Variants in ADAMTSL3 observed in about 807,000 individuals in gnomAD.
ADAMTSL3 encodes the protein ADAMTS-like protein 3.
ADAMTSL3 carries 128 observed loss-of-function variants against 201.7 expected under a neutral mutation model. The observed-to-expected ratio is 0.63, with a 90% CI of 0.55 to 0.73. The LOEUF is 0.73. ADAMTSL3 is among the 30% of genes least tolerant of loss of function. The pLI, the probability that ADAMTSL3 is intolerant of heterozygous loss-of-function variation, is 0.00. For synonymous variants in ADAMTSL3, 738 were observed against 748.4 expected, an observed-to-expected ratio of 0.99 and a Z score of 0.23; for missense variants, 1,990 against 2,119.6, an observed-to-expected ratio of 0.94 and a Z score of 1.20.
chr15:83,727,432 A>T (rs2062196132), intron 3 of ADAMTSL3, among the ~76,000 whole-genome samples: 2 of 148,962 alleles, frequency 1.3e-5, no homozygotes, highest in African/African-American at 2.5e-5. Flanking sequence ...CTAATTTTGG[A>T]TTTTGTTTTC....
intron 27 of ADAMTSL3, among the ~76,000 whole-genome samples, chr15:84,027,258 C>G (rs2068326747): frequency 6.6e-6 from 1 of 152,124 alleles, no homozygotes; most frequent in East Asian, 1.9e-4. Flanking sequence ...GAAATTGGAA[C>G]CTTCATGCTG....
intron 3 of ADAMTSL3, among the ~76,000 whole-genome samples, chr15:83,759,984 A>C (rs958350902): frequency 4.4e-4 from 67 of 152,078 alleles, no homozygotes; most frequent in African/African-American, 1.4e-3. Context: ...AGTCTTGCCA[A>C]GGAATTTAAT....
At chr15:83,740,161 C>G (rs1404489409) in intron 3 of ADAMTSL3, 1 of 266,428 alleles carries the variant, frequency 3.8e-6, no homozygotes, top group Non-Finnish European at 8.0e-6. Flanking sequence ...TGCAAGCTGG[C>G]TGACCAGTGC....
chr15:83,725,070 C>G (rs1313059535), intron 3 of ADAMTSL3, among the ~76,000 whole-genome samples: 1 of 151,966 alleles, frequency 6.6e-6, no homozygotes, highest in Non-Finnish European at 1.5e-5. Context: ...GGGTATATAC[C>G]TAGGAGTGGG....
chr15:83,788,102 ACCTTG>A, intron 4 of ADAMTSL3, among the ~76,000 whole-genome samples: 1 of 152,232 alleles, frequency 6.6e-6, no homozygotes, highest in Middle Eastern at 3.4e-3. Flanking sequence ...GTCAATAATT[ACCTTG>A]CTTTTTTATT....
At chr15:83,785,117 T>C (rs1160076511) in intron 4 of ADAMTSL3, among the ~76,000 whole-genome samples, 2 of 152,206 alleles carry the variant, frequency 1.3e-5, no homozygotes, top group Non-Finnish European at 2.9e-5. Context: ...TCTGGAATTT[T>C]AGTGTGCATA....
At chr15:83,983,382 A>G (rs746985650) in intron 21 of ADAMTSL3, 38 bp downstream of exon 21, 3 of 1,336,506 alleles carry the variant, frequency 2.2e-6, no homozygotes, top group South Asian at 3.6e-5. Context: ...TTTTTGCACT[A>G]CCTTCTTAAT....
intron 17 of ADAMTSL3, among the ~76,000 whole-genome samples, chr15:83,927,407 C>A (rs941589475): frequency 6.6e-6 from 1 of 152,152 alleles, no homozygotes; most frequent in Non-Finnish European, 1.5e-5. Flanking sequence ...AGCCACCGCA[C>A]CTGGCCCATG....
chr15:83,872,397 A>T (rs889008434), intron 9 of ADAMTSL3, among the ~76,000 whole-genome samples: 1 of 151,948 alleles, frequency 6.6e-6, no homozygotes, highest in Non-Finnish European at 1.5e-5. Flanking sequence ...ACAGACATTT[A>T]TGTTTCTGAC....
chr15:83,927,173 A>T (rs902454179), intron 17 of ADAMTSL3, among the ~76,000 whole-genome samples: 1 of 151,448 alleles, frequency 6.6e-6, no homozygotes, highest in South Asian at 2.1e-4. Context: ...CTGGAGTGCA[A>T]TGGCACAGTC....
At chr15:83,899,880 TTTTC>T (rs1436187770) in intron 15 of ADAMTSL3, 149 bp downstream of exon 15, 1 of 1,107,726 alleles carries the variant, frequency 9.0e-7, no homozygotes, top group African/African-American at 1.6e-5. Flanking sequence ...TGGCTAGAAT[TTTTC>T]TTTGTTTCAC....
intron 2 of ADAMTSL3, among the ~76,000 whole-genome samples, chr15:83,665,935 C>T (rs2061242615): frequency 6.6e-6 from 1 of 152,038 alleles, no homozygotes; most frequent in African/African-American, 2.4e-5. Context: ...TTAAAGGACT[C>T]TAAATTCTCT....
At chr15:83,911,013 A>G (rs1382919674) in intron 15 of ADAMTSL3, among the ~76,000 whole-genome samples, 1 of 152,170 alleles carries the variant, frequency 6.6e-6, no homozygotes, top group Non-Finnish European at 1.5e-5. Context: ...TTTGAATGAA[A>G]ATATCTACTT....
intron 6 of ADAMTSL3, among the ~76,000 whole-genome samples, chr15:83,827,339 C>A (rs1596282227): frequency 6.6e-6 from 1 of 152,066 alleles, no homozygotes; most frequent in Non-Finnish European, 1.5e-5. Context: ...TATCCTTTGC[C>A]CACTTTTTGA....
chr15:83,795,236 ACAACAACAACAACAACAACAGCAGCAG>A (rs1419967356), intron 4 of ADAMTSL3, among the ~76,000 whole-genome samples: 2 of 105,550 alleles, frequency 1.9e-5, no homozygotes, highest in African/African-American at 7.4e-5. Flanking sequence ...CACATTTAAA[ACAACAACAACAACAACAACAGCAGCAG>A]CAACAACAAC....
At chr15:83,906,432 C>T (rs1323647470) in intron 15 of ADAMTSL3, among the ~76,000 whole-genome samples, 1 of 151,938 alleles carries the variant, frequency 6.6e-6, no homozygotes, top group Non-Finnish European at 1.5e-5. Context: ...TATTTTATAC[C>T]TCAGTTTTCC....
At chr15:83,905,777 G>A (rs1357827386) in intron 15 of ADAMTSL3, among the ~76,000 whole-genome samples, 1 of 152,166 alleles carries the variant, frequency 6.6e-6, no homozygotes, top group Non-Finnish European at 1.5e-5. Context: ...CCAGGGATAA[G>A]CATTTAATTT....
intron 23 of ADAMTSL3, among the ~76,000 whole-genome samples, chr15:83,995,511 A>T (rs12912716): frequency 0.16 from 24,594 of 152,210 alleles, 2,593 homozygotes; most frequent in Middle Eastern, 0.34. Context: ...TCTGTTCAAC[A>T]CTGCGTTAGC....
intron 10 of ADAMTSL3, among the ~76,000 whole-genome samples, chr15:83,889,015 G>C (rs1442797262): frequency 6.6e-6 from 1 of 151,756 alleles, no homozygotes; most frequent in Non-Finnish European, 1.5e-5. Context: ...ACCTTTTTTT[G>C]AAAAAGTTTA....
Sources: allele counts gnomAD v4.1 joint callset (sites outside exome capture counted in the v4.1 genomes callset), GRCh38; gene constraint gnomAD v4.1.1; transcripts MANE v1.5; gene names NCBI Gene and HGNC (gene_info 2026-07-23, HGNC 2026-07-21).